Variants in ADAMTS3 observed in about 807,000 individuals in gnomAD.
The protein encoded by ADAMTS3 is A disintegrin and metalloproteinase with thrombospondin motifs 3.
A neutral mutation model predicts 129.0 loss-of-function variants in ADAMTS3; 73 were observed. The observed-to-expected ratio is 0.57, with a 90% CI of 0.47 to 0.69. The LOEUF (loss-of-function observed/expected upper bound fraction) is 0.69. Ranked by LOEUF, ADAMTS3 falls within the 30% of genes least tolerant of loss-of-function variation. The probability of loss-of-function intolerance (pLI) is 0.00; values close to 1 mark genes in which losing one functional copy is unlikely to be tolerated. For synonymous variants in ADAMTS3, 477 were observed against 510.8 expected (o/e 0.93, Z 0.89); for missense variants, 1,457 against 1,514.5 (o/e 0.96, Z 0.63).
At chr4:72,522,703 C>T (rs139789280) in intron 3 of ADAMTS3, among the ~76,000 whole-genome samples, 1 of 152,226 alleles carries the variant, frequency 6.6e-6, no homozygotes, top group African/African-American at 2.4e-5. Context: ...AATCACTACA[C>T]CTTGTATAAC....
intron 4 of ADAMTS3, among the ~76,000 whole-genome samples, chr4:72,413,012 T>C (rs1351268086): frequency 1.3e-5 from 2 of 152,060 alleles, no homozygotes; most frequent in East Asian, 1.9e-4. Context: ...ACGCTGTTAA[T>C]TTCCCTATTC....
chr4:72,485,363 G>A (rs747371924), intron 3 of ADAMTS3, among the ~76,000 whole-genome samples: 39 of 152,070 alleles, frequency 2.6e-4, no homozygotes, highest in Non-Finnish European at 4.0e-4. Flanking sequence ...CAATTGTCAA[G>A]TAATGATTTT....
intron 4 of ADAMTS3, among the ~76,000 whole-genome samples, chr4:72,399,137 G>GT (rs1489720717): frequency 6.6e-6 from 1 of 152,154 alleles, no homozygotes; most frequent in Non-Finnish European, 1.5e-5. Flanking sequence ...TGGAGAAAAT[G>GT]TTTAAGTTAT....
At chr4:72,304,646 G>A (rs1719037878) in intron 16 of ADAMTS3, among the ~76,000 whole-genome samples, 1 of 151,880 alleles carries the variant, frequency 6.6e-6, no homozygotes, top group Non-Finnish European at 1.5e-5. Flanking sequence ...TACTGCTAAT[G>A]GAATTCTTAA....
intron 4 of ADAMTS3, among the ~76,000 whole-genome samples, chr4:72,387,644 C>A (rs1393455188): frequency 6.6e-6 from 1 of 152,068 alleles, no homozygotes; most frequent in Non-Finnish European, 1.5e-5. Context: ...GGGCACAAGG[C>A]TAATTAGCAA....
chr4:72,562,644 C>T (rs934913179), intron 2 of ADAMTS3, among the ~76,000 whole-genome samples: 8 of 152,094 alleles, frequency 5.3e-5, no homozygotes, highest in African/African-American at 1.9e-4. Context: ...TAAATTATAA[C>T]AGCAGTTTGG....
chr4:72,472,703 C>T lies in ADAMTS3; in HGVS notation c.505-57732G>A, dbSNP rs557600522. Among the ~76,000 whole-genome samples the T allele has an allele frequency of 1.3e-3, 196 of 152,150 alleles. 1 individual carries two copies. The highest frequency in any genetic ancestry group is 4.6e-3 in the African/African-American group (192 of 41,500). The stretch of plus-strand genomic sequence containing the variant: ...ATATAACAGAAAAATCAGAGTTGTG[C>T]TAATAAGTACTCTTAGGGGAATAAT... On this transcript the variant is annotated intron_variant, in intron 3 of 21. Coordinates refer to ENST00000286657, the MANE Select transcript of ADAMTS3 (RefSeq NM_014243.3).
intron 3 of ADAMTS3, among the ~76,000 whole-genome samples, chr4:72,513,450 C>T (rs1246587236): frequency 6.6e-6 from 1 of 152,142 alleles, no homozygotes; most frequent in Non-Finnish European, 1.5e-5. Flanking sequence ...CAAACTACTG[C>T]CCACCACTGT....
chr4:72,381,251 T>C (rs1721281280), intron 4 of ADAMTS3, among the ~76,000 whole-genome samples: 1 of 152,178 alleles, frequency 6.6e-6, no homozygotes, highest in Non-Finnish European at 1.5e-5. Context: ...GGCAAGTACT[T>C]ATAAACAAAT....
intron 3 of ADAMTS3, among the ~76,000 whole-genome samples, chr4:72,460,125 A>C (rs1718725508): frequency 6.6e-6 from 1 of 151,500 alleles, no homozygotes; most frequent in Non-Finnish European, 1.5e-5. Flanking sequence ...AAATATTAAG[A>C]GTATCTCCTC....
At chr4:72,527,820 G>T (rs139991749) in intron 3 of ADAMTS3, among the ~76,000 whole-genome samples, 2 of 152,154 alleles carry the variant, frequency 1.3e-5, no homozygotes, top group Non-Finnish European at 2.9e-5. Context: ...GAAGGACAGG[G>T]ATTCTACCCA....
rs367593540 is a variant in ADAMTS3 at position 72,284,031 on chromosome 4, G to T, written c.3050-327C>A. 1.3e-4 allele frequency among the ~76,000 whole-genome samples: 19 copies of T among 151,996 alleles called. No individual in the cohort carries two copies. In the East Asian group the frequency reaches 1.9e-3, roughly 15 times the overall value. On this transcript the variant is annotated intron_variant, in intron 21 of 21. Transcript: ENST00000286657. ...GCAAAGATAATTTATTTAACGTTGT[G>T]GTTAAATTTTTAGGATGCAAAGGGG... is the stretch of plus-strand genomic sequence containing the variant.
chr4:72,479,297 T>C (rs1301793889), intron 3 of ADAMTS3, among the ~76,000 whole-genome samples: 1 of 152,102 alleles, frequency 6.6e-6, no homozygotes, highest in Non-Finnish European at 1.5e-5. Context: ...CAAACTATAC[T>C]ACAAGGCTAC....
chr4:72,310,868 A>G (rs1032009143), intron 14 of ADAMTS3, among the ~76,000 whole-genome samples, 180 bp downstream of exon 14: 2 of 152,128 alleles, frequency 1.3e-5, no homozygotes, highest in Admixed American at 6.6e-5. Flanking sequence ...GCCAGTGACC[A>G]AAGTTTGATT....
At chr4:72,347,517 G>A (rs1720320697) in intron 4 of ADAMTS3, among the ~76,000 whole-genome samples, 3 of 151,108 alleles carry the variant, frequency 2.0e-5, no homozygotes, top group South Asian at 4.2e-4. Flanking sequence ...TTATTCTCTC[G>A]GTTCTATTTT....
intron 3 of ADAMTS3, among the ~76,000 whole-genome samples, chr4:72,534,519 T>C (rs1366032509): frequency 1.3e-5 from 2 of 152,198 alleles, no homozygotes; most frequent in African/African-American, 4.8e-5. Flanking sequence ...GTTGTTTTAT[T>C]GGAAAAGGGA....
chr4:72,483,215 C>T (rs1719486652), intron 3 of ADAMTS3, among the ~76,000 whole-genome samples: 1 of 151,948 alleles, frequency 6.6e-6, no homozygotes, highest in Admixed American at 6.6e-5. Flanking sequence ...CTCTCTTTCC[C>T]AGAAAATATG....
At position 72,304,054 on chromosome 4, in the gene ADAMTS3, A is replaced by T; in HGVS notation, c.2287T>A (p.Tyr763Asn). ...LAIKNQATGH[Y>N]ILNGKGEEAK... ...TCCTCCCCTTTGCCATTTAAAATAT[A>T]ATGGCCTGTAGCCTGGTTCTTAATA... Residue 763 changes from tyrosine to asparagine, a missense_variant, in exon 17 of 22, where the codon TAT becomes AAT. Transcript: ENST00000286657. 1 of 1,613,598 alleles carries T rather than the reference A, an allele frequency of 6.2e-7. No individual in the cohort carries two copies. Among genetic ancestry groups the T allele is most frequent in the Non-Finnish European group, 8.5e-7 (1 of 1,179,640 alleles).
chr4:72,454,997 A>G (rs1467650257), intron 3 of ADAMTS3, among the ~76,000 whole-genome samples: 1 of 151,748 alleles, frequency 6.6e-6, no homozygotes, highest in African/African-American at 2.4e-5. Context: ...ATGAGACTGA[A>G]TTCATCAGAA....
Sources: allele counts gnomAD v4.1 joint callset (sites outside exome capture counted in the v4.1 genomes callset), GRCh38; gene constraint gnomAD v4.1.1; transcripts MANE v1.5; gene names NCBI Gene and HGNC (gene_info 2026-07-23, HGNC 2026-07-21).